ZNF649: variants seen among roughly 807,000 people sequenced by gnomAD.
The protein encoded by ZNF649 is zinc finger protein 649.
In ZNF649, 7 loss-of-function variants were observed where a neutral mutation model predicts 14.1. That is an observed-to-expected ratio of 0.49 (90% CI 0.28 to 0.93). ZNF649 has a LOEUF of 0.93. Among genes scored for constraint, ZNF649 ranks in the 40% least tolerant of loss-of-function variants. ZNF649 has a pLI of 0.10. For missense variants in ZNF649, 544 were observed against 608.1 expected (o/e 0.89, Z 1.11); for synonymous variants, 227 against 212.3 (o/e 1.07, Z -0.60).
At position 51,891,462 on chromosome 19, in the gene ZNF649, T is replaced by C. The variant is rs2085022000; in HGVS notation, c.674A>G (p.Glu225Gly). ...GGGTTTCTCTCCTCTGTGAGCTCTC[T>C]CGTGTTCAGTGAGCCTGTACTTCTT... ...FYKKYRLTEHERAHRGEKPHG... is the reference protein window; with the variant it reads ...FYKKYRLTEHGRAHRGEKPHG... Residue 225 changes from glutamate to glycine, a missense_variant, in exon 5 of 5, where the codon GAG (glutamate) becomes GGG (glycine). Glu to Gly is a moderately conservative substitution (Grantham distance 98). Coordinates refer to ENST00000354957, the MANE Select transcript of ZNF649 (RefSeq NM_023074.4). The surrounding 1 kb of genome is among the most constrained non-coding windows in gnomAD (Gnocchi z 4.2). 2 of 1,613,910 alleles carry C rather than the reference T, an allele frequency of 1.2e-6. No homozygotes were observed. Among genetic ancestry groups the C allele is most frequent in the Non-Finnish European group, 8.5e-7 (1 of 1,179,866 alleles).
chr19:51,904,436 C>A (rs1443984719), intron 1 of ZNF649, among the ~76,000 whole-genome samples: 1 of 152,056 alleles, frequency 6.6e-6, no homozygotes, highest in Non-Finnish European at 1.5e-5. Flanking sequence ...TCAACCCCAG[C>A]CAGGGGCCTG....
intron 2 of ZNF649, among the ~76,000 whole-genome samples, chr19:51,897,915 A>C (rs1198182790): frequency 6.6e-6 from 1 of 152,076 alleles, no homozygotes; most frequent in Non-Finnish European, 1.5e-5. Context: ...CGAGGTCAGG[A>C]GTTTGAGACC....
chr19:51,900,200 C>T lies in ZNF649; in HGVS notation c.-93G>A. The T allele has an allele frequency of 2.6e-6, 3 of 1,138,270 alleles. No homozygotes were observed. Among genetic ancestry groups the T allele is most frequent in the Middle Eastern group, 2.1e-4 (1 of 4,758 alleles). 70.5% of individuals were successfully genotyped at this position (1,138,270 alleles called of 1,614,324 possible). A position where few individuals can be genotyped will look rare whatever the true frequency, so the allele number is the denominator to read the frequency against. ...TAAATTTTGGCTAAGAAATCTGAGT[C>T]TCCATTTAAGAGTGTTCCCAGAAAT... On this transcript the variant is annotated 5_prime_UTR_variant, in exon 2 of 5. Coordinates refer to ENST00000354957, the MANE Select transcript of ZNF649 (RefSeq NM_023074.4).
chr19:51,894,852 T>A (rs11879492), intron 4 of ZNF649, among the ~76,000 whole-genome samples: 11,845 of 151,914 alleles, frequency 0.078, 830 homozygotes, highest in South Asian at 0.22. Context: ...GAGCTTCATG[T>A]AAAGACACGC....
At chr19:51,900,068 A>T in intron 2 of ZNF649, 25 bp downstream of exon 2, 1 of 1,498,010 alleles carries the variant, frequency 6.7e-7, no homozygotes, top group Non-Finnish European at 8.9e-7. Context: ...GAATCGAGTT[A>T]AGAATAAAAC....
intron 2 of ZNF649, chr19:51,899,839 C>T (rs1293865313): frequency 2.7e-6 from 1 of 365,748 alleles, no homozygotes; most frequent in Non-Finnish European, 4.9e-6. Context: ...ATTTTGGACA[C>T]AAGCTGACAC....
rs746258703 is a variant in ZNF649 at position 51,891,764 on chromosome 19, G to A, written c.372C>T (p.Tyr124=). The A allele has an allele frequency of 6.2e-6, 10 of 1,613,948 alleles. No individual in the cohort carries two copies. The Admixed American group carries it at 1.3e-4, about 22-fold the overall frequency. Residue 124 remains tyrosine (Y), a synonymous_variant, in exon 5 of 5, where the codon TAC becomes TAT. Coordinates refer to ENST00000354957, the MANE Select transcript of ZNF649 (RefSeq NM_023074.4). This position sits in a 1 kb window ranked among gnomAD's most constrained non-coding sequence, Gnocchi z 4.2. Reference sequence around the variant, plus strand: ...TAAACTCAGCAGGCTCCTTTCTGTTGTATCTTCTGCTCTGGTTGGTTAAAC... The same window carrying A: ...TAAACTCAGCAGGCTCCTTTCTGTTATATCTTCTGCTCTGGTTGGTTAAAC... ...YLGLTNQSRR[Y]NRKEPAEFNG... is the part of the protein sequence containing the mutation.
At chr19:51,900,000 A>G in intron 2 of ZNF649, 93 bp downstream of exon 2, 3 of 1,222,672 alleles carry the variant, frequency 2.5e-6, no homozygotes, top group Non-Finnish European at 3.3e-6. Flanking sequence ...CATTTTTTCC[A>G]ATTTATACTT....
chr19:51,890,740 G>A lies in ZNF649; in HGVS notation c.1396C>T (p.Pro466Ser), dbSNP rs750937166. The A allele has an allele frequency of 1.4e-5, 23 of 1,614,196 alleles. No individual in the cohort carries two copies. The highest frequency in any genetic ancestry group is 1.9e-5 in the Non-Finnish European group (22 of 1,180,038). ...KRGDSVKVENPSTASHSLSPS... is the reference protein window; with the variant it reads ...KRGDSVKVENSSTASHSLSPS... Reference sequence around the variant, plus strand: ...CTTAAGCTGTGACTTGCTGTGGAAGGATTTTCCACCTTCACTGAATCCCCC... The same window carrying A: ...CTTAAGCTGTGACTTGCTGTGGAAGAATTTTCCACCTTCACTGAATCCCCC... Residue 466 changes from proline (P) to serine (S), a missense_variant, in exon 5 of 5, where the codon CCT (proline) becomes TCT (serine). Physicochemically the swap from Pro to Ser is moderately conservative, Grantham distance 74. Transcript: ENST00000354957.
chr19:51,895,948 A>C (rs2085059711), intron 4 of ZNF649, among the ~76,000 whole-genome samples: 2 of 152,182 alleles, frequency 1.3e-5, no homozygotes, highest in East Asian at 3.9e-4. Flanking sequence ...CTGAAGTGGG[A>C]CACAGTCTTG....
intron 1 of ZNF649, among the ~76,000 whole-genome samples, chr19:51,902,976 C>T (rs1331062753): frequency 1.3e-5 from 2 of 151,974 alleles, no homozygotes; most frequent in Non-Finnish European, 2.9e-5. Context: ...AAAGTTATCT[C>T]GGGGTAAATG....
chr19:51,898,613 G>A (rs1333635944), intron 2 of ZNF649, among the ~76,000 whole-genome samples: 2 of 151,866 alleles, frequency 1.3e-5, no homozygotes, highest in Non-Finnish European at 2.9e-5. Context: ...ACGTGGGCAT[G>A]ATTAAATCAT....
intron 1 of ZNF649, among the ~76,000 whole-genome samples, chr19:51,902,467 A>G (rs1420109443): frequency 1.3e-5 from 2 of 152,224 alleles, no homozygotes; most frequent in Non-Finnish European, 1.5e-5. Context: ...TGGATGGCTC[A>G]CAGAACTCAG....
chr19:51,904,368 T>C (rs935584147), intron 1 of ZNF649: 2 of 152,142 alleles, frequency 1.3e-5, no homozygotes, highest in Non-Finnish European at 2.9e-5. Context: ...TTTCCCTGTC[T>C]TAACAAGTCG....
rs529106396 is a variant in ZNF649, at chr19:51,899,725, C to T, written c.15+368G>A. ...AAACTAATTTCCCAAGATTTAAGTG[C>T]CATGAAATACTGACATCCCCTGAGG... is the stretch of plus-strand genomic sequence containing the variant. On this transcript the variant is annotated intron_variant, in intron 2 of 4. Transcript: ENST00000354957. 34 of 206,102 alleles carry T rather than the reference C, an allele frequency of 1.6e-4. No homozygotes were observed. The South Asian group carries it at 5.9e-3, about 36-fold the overall frequency. 12.8% of individuals were successfully genotyped at this position (206,102 alleles called of 1,614,324 possible). A position where few individuals can be genotyped will look rare whatever the true frequency, so the allele number is the denominator to read the frequency against.
At position 51,890,919 on chromosome 19, in the gene ZNF649, T is replaced by C. The variant is rs755311587; in HGVS notation, c.1217A>G (p.Asp406Gly). The C allele has an allele frequency of 2.5e-6, 4 of 1,613,990 alleles. No homozygotes were observed. Among genetic ancestry groups the C allele is most frequent in the African/African-American group, 1.3e-5 (1 of 74,916 alleles). Residue 406 changes from aspartate (D) to glycine (G), a missense_variant, in exon 5 of 5, where the codon GAC becomes GGC. Coordinates refer to ENST00000354957, the MANE Select transcript of ZNF649 (RefSeq NM_023074.4). ...HSGEKPYKCS[D>G]CGKAFLTKTM... ...CTTTGTAAGGAAGGCTTTCCCACAG[T>C]CACTGCATTTATAGGGTTTCTCTCC...
intron 4 of ZNF649, 123 bp from the exon 5 acceptor site, chr19:51,892,020 A>T (rs552401209): frequency 8.7e-7 from 1 of 1,144,924 alleles, no homozygotes; most frequent in Non-Finnish European, 1.2e-6. Context: ...AAGGAATTCC[A>T]AGTATAAGTG....
rs945189999 is a variant in ZNF649, at chr19:51,891,680, G to A, written c.456C>T (p.Phe152=). The part of the protein sequence containing the change: ...NHEQMPTEIE[F]PESRKPISTK... ...TGCTGATGGGTTTTCTACTTTCAGG[G>A]AATTCAATTTCCGTAGGCATTTGTT... is the stretch of plus-strand genomic sequence containing the variant. Residue 152 remains phenylalanine, a synonymous_variant, in exon 5 of 5, where the codon TTC becomes TTT. Coordinates refer to ENST00000354957, the MANE Select transcript of ZNF649 (RefSeq NM_023074.4). The surrounding 1 kb of genome is among the most constrained non-coding windows in gnomAD (Gnocchi z 4.2). The A allele has an allele frequency of 1.2e-6, 2 of 1,613,542 alleles. No homozygotes were observed. Among genetic ancestry groups the A allele is most frequent in the South Asian group, 2.2e-5 (2 of 90,954 alleles).
chr19:51,894,700 G>T (rs2085048090), intron 4 of ZNF649, among the ~76,000 whole-genome samples: 1 of 152,036 alleles, frequency 6.6e-6, no homozygotes, highest in Non-Finnish European at 1.5e-5. Context: ...AGTTTAATTT[G>T]TAAATATTAC....
Sources: allele counts gnomAD v4.1 joint callset (sites outside exome capture counted in the v4.1 genomes callset), GRCh38; gene constraint gnomAD v4.1.1; non-coding constraint Gnocchi (gnomAD v3.1); transcripts MANE v1.5; gene names NCBI Gene and HGNC (gene_info 2026-07-23, HGNC 2026-07-21).